Variants in MAPK10 observed in about 807,000 individuals in gnomAD.
The protein encoded by MAPK10 is JNK3 alpha protein kinase.
Under a neutral mutation model 59.3 loss-of-function variants are expected in MAPK10, and 25 were observed. The ratio of observed to expected loss-of-function variants is 0.42; its 90% CI spans 0.31 to 0.59. The LOEUF (loss-of-function observed/expected upper bound fraction) is 0.59, where lower values mean the gene tolerates loss of function less well. MAPK10 is among the 20% of genes least tolerant of loss of function. The pLI is 0.15. For synonymous variants in MAPK10, 190 were observed against 200.5 expected, an observed-to-expected ratio of 0.95 and a Z score of 0.44; for missense variants, 351 against 568.9, an observed-to-expected ratio of 0.62 and a Z score of 3.90.
At chr4:86,086,237 G>A (rs2051807104) in intron 9 of MAPK10, among the ~76,000 whole-genome samples, 1 of 151,946 alleles carries the variant, frequency 6.6e-6, no homozygotes, top group Non-Finnish European at 1.5e-5. Flanking sequence ...TAGAAGGATG[G>A]TTACCAGAGG....
intron 9 of MAPK10, among the ~76,000 whole-genome samples, chr4:86,088,023 G>T (rs2052290695): frequency 6.6e-6 from 1 of 152,076 alleles, no homozygotes; most frequent in African/African-American, 2.4e-5. Context: ...TAAAGCAGAG[G>T]TTTTACCTTT....
At chr4:86,024,136 A>G (rs962612876) in intron 13 of MAPK10, 93 of 152,144 alleles carry the variant, frequency 6.1e-4, no homozygotes, top group African/African-American at 2.2e-3. Flanking sequence ...ATTAAAGTTG[A>G]GTAATGATTC....
chr4:86,259,998 A>T (rs2093921729), intron 2 of MAPK10, among the ~76,000 whole-genome samples: 1 of 152,100 alleles, frequency 6.6e-6, no homozygotes, highest in African/African-American at 2.4e-5. Context: ...CCTGGATTCA[A>T]ATTTCTCTTT....
intron 4 of MAPK10, among the ~76,000 whole-genome samples, chr4:86,134,957 T>C (rs368599193): frequency 6.6e-6 from 1 of 152,142 alleles, no homozygotes; most frequent in African/African-American, 2.4e-5. Flanking sequence ...CACTCCCACC[T>C]GAATACTGCG....
intron 1 of MAPK10, among the ~76,000 whole-genome samples, chr4:86,355,845 T>A (rs1328060674): frequency 1.3e-5 from 2 of 152,206 alleles, no homozygotes; most frequent in African/African-American, 4.8e-5. Flanking sequence ...TTTCCTTCAC[T>A]ATCAATGCTT....
intron 4 of MAPK10, among the ~76,000 whole-genome samples, chr4:86,116,662 C>G (rs1386264084): frequency 1.3e-5 from 2 of 152,220 alleles, no homozygotes; most frequent in African/African-American, 2.4e-5. Flanking sequence ...GGCATTCTCC[C>G]TCTGTCTGGT....
chr4:86,287,435 T>C (rs1234569674), intron 2 of MAPK10, among the ~76,000 whole-genome samples: 2 of 152,212 alleles, frequency 1.3e-5, no homozygotes, highest in Admixed American at 6.6e-5. Flanking sequence ...AATACATTCT[T>C]GCTCTTTTCT....
rs1435033152 is a variant in MAPK10 at position 86,140,428 on chromosome 4, C to T, written c.236+18870G>A. 2.2e-3 allele frequency among the ~76,000 whole-genome samples: 307 copies of T among 138,150 alleles called. 4 individuals carry two copies. Among genetic ancestry groups the T allele is most frequent in the African/African-American group, 8.8e-3 (269 of 30,464 alleles). 90.6% of individuals were successfully genotyped at this position (138,150 alleles called of 152,430 possible). A position where few individuals can be genotyped will look rare whatever the true frequency, so the allele number is the denominator to read the frequency against. On this transcript the variant is annotated intron_variant, in intron 4 of 13. Coordinates refer to ENST00000641462, the MANE Select transcript of MAPK10 (RefSeq NM_138982.4). ...AATCATCATTCACAGTAAACTATTGCGAGGACAAAAAACCAAACACCGCAT... is the reference window on the plus strand; with the variant it reads ...AATCATCATTCACAGTAAACTATTGTGAGGACAAAAAACCAAACACCGCAT...
intron 2 of MAPK10, among the ~76,000 whole-genome samples, chr4:86,293,776 T>G (rs2095287901): frequency 6.6e-6 from 1 of 151,952 alleles, no homozygotes; most frequent in South Asian, 2.1e-4. Flanking sequence ...GCCACACGCT[T>G]TTAAATGACC....
At chr4:86,516,765 A>G (rs780362014) in intron 1 of MAPK10, among the ~76,000 whole-genome samples, 1 of 152,058 alleles carries the variant, frequency 6.6e-6, no homozygotes, top group South Asian at 2.1e-4. Context: ...TGATATTTTT[A>G]TCCTGAAATT....
In MAPK10 at chr4:86,147,432, C is replaced by T. The variant is rs540699989; in HGVS notation, c.236+11866G>A. ...TTTGCATTTTTTTCATTTCTTCATT[C>T]TCCTTTAAATCTAGTAAAGCTCCTC... On this transcript the variant is annotated intron_variant, in intron 4 of 13. Coordinates refer to ENST00000641462, the MANE Select transcript of MAPK10 (RefSeq NM_138982.4). Among the ~76,000 whole-genome samples the T allele has an allele frequency of 2.6e-5, 4 of 152,210 alleles. No individual in the cohort carries two copies. The South Asian group carries it at 6.2e-4, about 24-fold the overall frequency.
At chr4:86,069,994 T>C (rs1293204375) in intron 9 of MAPK10, among the ~76,000 whole-genome samples, 1 of 152,234 alleles carries the variant, frequency 6.6e-6, no homozygotes, top group East Asian at 1.9e-4. Context: ...TTAAAATGTT[T>C]CTTGTAATAA....
At chr4:86,505,799 A>G (rs1304841079) in intron 1 of MAPK10, among the ~76,000 whole-genome samples, 1 of 152,100 alleles carries the variant, frequency 6.6e-6, no homozygotes, top group Non-Finnish European at 1.5e-5. Flanking sequence ...AGGCCAATTT[A>G]AATTGTACTC....
chr4:86,163,366 A>G (rs779863192), intron 3 of MAPK10, among the ~76,000 whole-genome samples: 1 of 152,130 alleles, frequency 6.6e-6, no homozygotes, highest in Non-Finnish European at 1.5e-5. Context: ...TCATGACTAT[A>G]AAGTTCAAAT....
At chr4:86,031,514 C>A in intron 11 of MAPK10, 83 bp from the exon 12 acceptor site, 2 of 943,716 alleles carry the variant, frequency 2.1e-6, no homozygotes, top group Admixed American at 1.9e-5. Context: ...ATACCTTGCC[C>A]TCATTTATTT....
chr4:86,423,226 T>C (rs556836386), intron 1 of MAPK10, among the ~76,000 whole-genome samples: 4 of 152,130 alleles, frequency 2.6e-5, no homozygotes, highest in East Asian at 1.9e-4. Flanking sequence ...TATTATCATA[T>C]AAACATTTCT....
At chr4:86,556,862 C>A (rs1376445503) in intron 1 of MAPK10, among the ~76,000 whole-genome samples, 1 of 151,952 alleles carries the variant, frequency 6.6e-6, no homozygotes, top group Non-Finnish European at 1.5e-5. Flanking sequence ...ATAGCACTGG[C>A]AAGAAAACAG....
At chr4:86,413,908 C>A (rs533953568) in intron 1 of MAPK10, among the ~76,000 whole-genome samples, 5 of 152,174 alleles carry the variant, frequency 3.3e-5, no homozygotes, top group African/African-American at 9.6e-5. Flanking sequence ...TTCAGCTTGC[C>A]CTCCATGGGT....
intron 4 of MAPK10, among the ~76,000 whole-genome samples, chr4:86,146,852 G>A (rs2065137947): frequency 6.6e-6 from 1 of 152,132 alleles, no homozygotes; most frequent in Non-Finnish European, 1.5e-5. Flanking sequence ...AGGATGTGAA[G>A]AAACTAGCCC....
Sources: allele counts gnomAD v4.1 joint callset (sites outside exome capture counted in the v4.1 genomes callset), GRCh38; gene constraint gnomAD v4.1.1; transcripts MANE v1.5; gene names NCBI Gene and HGNC (gene_info 2026-07-23, HGNC 2026-07-21).